EIF4G3: variants seen among roughly 807,000 people sequenced by gnomAD.
EIF4G3 encodes the protein eIF-4-gamma 3.
A neutral mutation model predicts 186.4 loss-of-function variants in EIF4G3; 34 were observed. That is an observed-to-expected ratio of 0.18 (90% CI 0.14 to 0.24). EIF4G3 has a LOEUF of 0.24. Ranked by LOEUF, EIF4G3 falls within the 10% of genes least tolerant of loss-of-function variation. EIF4G3 has a pLI of 1.00. For missense variants in EIF4G3, 1,536 were observed against 1,948.5 expected (o/e 0.79, Z 3.99); for synonymous variants, 673 against 679.5 (o/e 0.99, Z 0.15).
chr1:20,910,029 TG>T (rs1248919268), intron 14 of EIF4G3, among the ~76,000 whole-genome samples: 1 of 152,218 alleles, frequency 6.6e-6, no homozygotes, highest in East Asian at 1.9e-4. Context: ...GTGATCCTCC[TG>T]ACTTGGCCTC....
At chr1:21,103,519 T>C (rs2096563287) in intron 2 of EIF4G3, among the ~76,000 whole-genome samples, 1 of 151,976 alleles carries the variant, frequency 6.6e-6, no homozygotes, top group African/African-American at 2.4e-5. Flanking sequence ...CTTACAGCAG[T>C]GGAAGAATGA....
intron 4 of EIF4G3, among the ~76,000 whole-genome samples, chr1:21,023,207 G>A (rs1210167179): frequency 4.7e-5 from 7 of 148,914 alleles, no homozygotes; most frequent in Non-Finnish European, 1.0e-4. Flanking sequence ...GACATAGAAA[G>A]TGGTGTAAGG....
intron 2 of EIF4G3, among the ~76,000 whole-genome samples, chr1:21,156,988 G>A (rs751691337): frequency 7.2e-5 from 11 of 152,074 alleles, no homozygotes; most frequent in Non-Finnish European, 1.3e-4. Context: ...AGCCTGAGAG[G>A]TCGAGGCTGC....
At chr1:20,908,463 C>T (rs2092647778) in intron 14 of EIF4G3, among the ~76,000 whole-genome samples, 1 of 152,060 alleles carries the variant, frequency 6.6e-6, no homozygotes. Flanking sequence ...TAAAACTGTG[C>T]TACAGTTTAC....
chr1:21,007,883 T>G (rs1008670089), intron 4 of EIF4G3, among the ~76,000 whole-genome samples: 2 of 152,224 alleles, frequency 1.3e-5, no homozygotes, highest in African/African-American at 4.8e-5. Flanking sequence ...GGTTTTATTT[T>G]ATATACTTCT....
chr1:20,896,263 T>G (rs776813463), intron 16 of EIF4G3, among the ~76,000 whole-genome samples: 1 of 151,424 alleles, frequency 6.6e-6, no homozygotes, highest in Non-Finnish European at 1.5e-5. Flanking sequence ...TAAGACCTAA[T>G]CTCTAGAAAA....
chr1:20,851,259 T>C lies in EIF4G3; in HGVS notation c.3771A>G (p.Ser1257=), dbSNP rs558305951. Residue 1257 remains serine (S), a splice_region_variant and synonymous_variant, in exon 28 of 37, where the codon TCA becomes TCG. Coordinates refer to ENST00000602326, the MANE Select transcript of EIF4G3 (RefSeq NM_001391906.1). ...ATCTGTTTAAGCCAAGTCTCTCACC[T>C]GACTCCCTTGTTTTATTTCGCTCAG... ...TEAERNKTRE[S]AKPEISAMSA... is the part of the protein sequence containing the mutation. 10 of 1,614,044 alleles carry C rather than the reference T, an allele frequency of 6.2e-6. No individual in the cohort carries two copies. In the East Asian group the frequency reaches 1.3e-4, roughly 22 times the overall value.
chr1:20,808,261 A>C (rs1025221477), intron 36 of EIF4G3, among the ~76,000 whole-genome samples: 3 of 152,190 alleles, frequency 2.0e-5, no homozygotes, highest in African/African-American at 7.2e-5. Flanking sequence ...TAAAATTTAA[A>C]TACGAGTAGT....
chr1:21,059,414 A>G (rs2094762528), intron 3 of EIF4G3, among the ~76,000 whole-genome samples: 1 of 152,140 alleles, frequency 6.6e-6, no homozygotes, highest in Admixed American at 6.5e-5. Flanking sequence ...AAATCTACAG[A>G]TATTGAGAAC....
chr1:20,818,555 T>C (rs2061590154), intron 33 of EIF4G3, among the ~76,000 whole-genome samples: 1 of 152,138 alleles, frequency 6.6e-6, no homozygotes, highest in African/African-American at 2.4e-5. Flanking sequence ...GATGGGAGGA[T>C]TGCTTGAGCA....
chr1:20,930,568 T>C (rs890329276), intron 14 of EIF4G3, among the ~76,000 whole-genome samples: 3 of 152,140 alleles, frequency 2.0e-5, no homozygotes, highest in African/African-American at 4.8e-5. Context: ...TTTAGTTCTA[T>C]GTTTTTGTTT....
At chr1:20,959,278 A>C (rs2096515285) in intron 12 of EIF4G3, among the ~76,000 whole-genome samples, 1 of 152,158 alleles carries the variant, frequency 6.6e-6, no homozygotes, top group Non-Finnish European at 1.5e-5. Context: ...ATAAAAACAT[A>C]AATTGAGGAA....
chr1:21,115,722 T>C (rs71647191), intron 2 of EIF4G3, among the ~76,000 whole-genome samples: 3 of 152,150 alleles, frequency 2.0e-5, no homozygotes, highest in South Asian at 2.1e-4. Flanking sequence ...GTTGTTGTTG[T>C]TGTTGTTTTT....
intron 6 of EIF4G3, chr1:20,998,724 G>A (rs1287109326): frequency 1.3e-5 from 3 of 235,200 alleles, no homozygotes; most frequent in South Asian, 4.6e-5. Flanking sequence ...AATATTAACC[G>A]GGGTATGTAG....
intron 2 of EIF4G3, among the ~76,000 whole-genome samples, chr1:21,159,041 T>G (rs559609756): frequency 2.0e-5 from 3 of 152,202 alleles, no homozygotes; most frequent in Admixed American, 6.5e-5. Flanking sequence ...TTCTTTTATC[T>G]GCAATATAAG....
chr1:20,970,389 G>A (rs1171720664), intron 11 of EIF4G3, among the ~76,000 whole-genome samples: 13 of 151,784 alleles, frequency 8.6e-5, no homozygotes, highest in Non-Finnish European at 1.8e-4. Context: ...TGAGGCGGGC[G>A]GATCATAAGG....
chr1:21,116,243 T>C (rs10493004), intron 2 of EIF4G3, among the ~76,000 whole-genome samples: 49,277 of 152,082 alleles, frequency 0.32, 8,899 homozygotes, highest in Non-Finnish European at 0.41. Flanking sequence ...ATTTTCACCA[T>C]GTGTAATACA....
intron 7 of EIF4G3, among the ~76,000 whole-genome samples, chr1:20,987,419 T>C (rs1002939254): frequency 6.6e-6 from 1 of 152,268 alleles, no homozygotes; most frequent in Non-Finnish European, 1.5e-5. Context: ...ATTGCATTCT[T>C]TACAAATTGA....
At chr1:20,895,928 G>A (rs988241415) in intron 16 of EIF4G3, among the ~76,000 whole-genome samples, 2 of 146,130 alleles carry the variant, frequency 1.4e-5, no homozygotes, top group African/African-American at 5.1e-5. Context: ...AAGTCCTTCA[G>A]GAATTATTCC....
Sources: allele counts gnomAD v4.1 joint callset (sites outside exome capture counted in the v4.1 genomes callset), GRCh38; gene constraint gnomAD v4.1.1; transcripts MANE v1.5; gene names NCBI Gene and HGNC (gene_info 2026-07-23, HGNC 2026-07-21).